Variants in TAFA2 observed in about 807,000 individuals in gnomAD.
TAFA2 encodes the protein chemokine-like protein TAFA-2.
Under a neutral mutation model 18.8 loss-of-function variants are expected in TAFA2, and 7 were observed. The ratio of observed to expected loss-of-function variants is 0.37; its 90% CI spans 0.21 to 0.70. TAFA2 has a LOEUF of 0.70. TAFA2 is among the 30% of genes least tolerant of loss of function. The probability of loss-of-function intolerance (pLI) is 0.53; values close to 1 mark genes in which losing one functional copy is unlikely to be tolerated. For missense variants in TAFA2, 122 were observed against 158.1 expected (o/e 0.77, Z 1.23); for synonymous variants, 60 against 54.2 (o/e 1.11, Z -0.47).
chr12:61,850,420 CTTG>C (rs1232671989), intron 2 of TAFA2, among the ~76,000 whole-genome samples: 5 of 151,642 alleles, frequency 3.3e-5, no homozygotes, highest in Non-Finnish European at 7.4e-5. Flanking sequence ...TTATGGAATG[CTTG>C]TTATCTGTAC....
chr12:61,803,754 T>C (rs1871492463), intron 2 of TAFA2, among the ~76,000 whole-genome samples: 1 of 151,932 alleles, frequency 6.6e-6, no homozygotes, highest in African/African-American at 2.4e-5. Flanking sequence ...GTTAAATGAA[T>C]TATTGAGAAC....
chr12:62,058,930 C>T lies in TAFA2; in HGVS notation c.-2+132329G>A, dbSNP rs183680225. ...TATCCTGGCTAACACGGTGAAACCCCGTCTCTACTAAAAATACAAAAAATT... is the reference window on the plus strand; with the variant it reads ...TATCCTGGCTAACACGGTGAAACCCTGTCTCTACTAAAAATACAAAAAATT... On this transcript the variant is annotated intron_variant, in intron 1 of 4. Transcript: ENST00000416284. Among the ~76,000 whole-genome samples the T allele has an allele frequency of 3.5e-3, 527 of 152,150 alleles. 4 individuals are homozygous for T. Among genetic ancestry groups the T allele is most frequent in the African/African-American group, 0.012 (507 of 41,506 alleles).
chr12:61,867,501 A>G, intron 1 of TAFA2, 75 bp from the exon 2 acceptor site: 1 of 874,356 alleles, frequency 1.1e-6, no homozygotes, highest in Non-Finnish European at 1.8e-6. Context: ...GCTACATGTA[A>G]AGCCTTCCAC....
chr12:62,222,008 T>C (rs2062764970), intron 1 of TAFA2, among the ~76,000 whole-genome samples: 1 of 152,072 alleles, frequency 6.6e-6, no homozygotes, highest in Non-Finnish European at 1.5e-5. Context: ...TTCTAAACCA[T>C]GTAAAGCAAA....
chr12:62,032,741 T>C (rs1308736104), intron 1 of TAFA2, among the ~76,000 whole-genome samples: 1 of 152,182 alleles, frequency 6.6e-6, no homozygotes, highest in African/African-American at 2.4e-5. Context: ...GCTACTCATA[T>C]TTATGGGCAT....
At chr12:61,799,531 G>GT (rs1196793799) in intron 2 of TAFA2, among the ~76,000 whole-genome samples, 1 of 152,042 alleles carries the variant, frequency 6.6e-6, no homozygotes, top group East Asian at 1.9e-4. Context: ...ACATTTAAAG[G>GT]TGACAAACTG....
At chr12:61,969,771 C>T (rs893644413) in intron 1 of TAFA2, among the ~76,000 whole-genome samples, 39 of 151,604 alleles carry the variant, frequency 2.6e-4, no homozygotes, top group African/African-American at 9.4e-4. Context: ...ACTCAATACA[C>T]GTTTGAACTT....
chr12:61,890,596 T>C (rs1392429706), intron 1 of TAFA2, among the ~76,000 whole-genome samples: 2 of 152,346 alleles, frequency 1.3e-5, no homozygotes, highest in Non-Finnish European at 2.9e-5. Context: ...GAGGTCTTAA[T>C]AGTAGAACAA....
chr12:62,199,046 A>G (rs116095803), intron 1 of TAFA2, among the ~76,000 whole-genome samples: 1 of 152,098 alleles, frequency 6.6e-6, no homozygotes, highest in African/African-American at 2.4e-5. Flanking sequence ...TGGATTGGCA[A>G]TTTGTTTTTG....
chr12:61,814,638 T>C (rs1166445938), intron 2 of TAFA2, among the ~76,000 whole-genome samples: 1 of 151,304 alleles, frequency 6.6e-6, no homozygotes, highest in Non-Finnish European at 1.5e-5. Flanking sequence ...CCTGTGAGTA[T>C]GTTACCTCAC....
chr12:61,729,886 G>C (rs2120645185), intron 4 of TAFA2, among the ~76,000 whole-genome samples: 1 of 152,170 alleles, frequency 6.6e-6, no homozygotes, highest in South Asian at 2.1e-4. Flanking sequence ...CTCAAGGGCT[G>C]TTGTTCAGAT....
chr12:62,035,737 T>C (rs1226977152), intron 1 of TAFA2, among the ~76,000 whole-genome samples: 3 of 123,814 alleles, frequency 2.4e-5, no homozygotes, highest in African/African-American at 1.0e-4. Flanking sequence ...TTCTTTCTTT[T>C]TTTTTTTTTT....
At chr12:62,129,113 G>T (rs983859992) in intron 1 of TAFA2, among the ~76,000 whole-genome samples, 1 of 151,850 alleles carries the variant, frequency 6.6e-6, no homozygotes, top group Non-Finnish European at 1.5e-5. Flanking sequence ...CCAGAAGCAG[G>T]TATTTTTCTT....
chr12:61,900,631 G>A (rs1876057101), intron 1 of TAFA2, among the ~76,000 whole-genome samples: 1 of 152,090 alleles, frequency 6.6e-6, no homozygotes, highest in African/African-American at 2.4e-5. Flanking sequence ...AGATCTCAGT[G>A]ACTATCATGA....
intron 1 of TAFA2, among the ~76,000 whole-genome samples, chr12:62,052,159 T>C (rs1256377738): frequency 6.6e-6 from 1 of 151,870 alleles, no homozygotes; most frequent in African/African-American, 2.4e-5. Context: ...TCATTTTACC[T>C]TCTCCTTCTT....
chr12:61,848,516 A>G (rs1300913710), intron 2 of TAFA2, among the ~76,000 whole-genome samples: 1 of 152,320 alleles, frequency 6.6e-6, no homozygotes, highest in South Asian at 2.1e-4. Context: ...ATTGCAGTTT[A>G]AAAGTTGTAC....
chr12:62,230,209 T>C (rs1299967608), intron 1 of TAFA2, among the ~76,000 whole-genome samples: 1 of 152,052 alleles, frequency 6.6e-6, no homozygotes, highest in Non-Finnish European at 1.5e-5. Context: ...TTGTATTTTA[T>C]TTCTTCTCTG....
intron 1 of TAFA2, among the ~76,000 whole-genome samples, chr12:62,010,158 C>T (rs560315401): frequency 2.0e-5 from 3 of 146,442 alleles, no homozygotes; most frequent in African/African-American, 7.7e-5. Flanking sequence ...TCCCTCTCCC[C>T]CTCCCCCTCC....
intron 1 of TAFA2, among the ~76,000 whole-genome samples, chr12:62,126,907 G>A (rs1370660896): frequency 1.3e-5 from 2 of 151,858 alleles, no homozygotes; most frequent in Non-Finnish European, 2.9e-5. Flanking sequence ...TTTCCCCCAA[G>A]ATCCACTAAA....
Sources: allele counts gnomAD v4.1 joint callset (sites outside exome capture counted in the v4.1 genomes callset), GRCh38; gene constraint gnomAD v4.1.1; transcripts MANE v1.5; gene names NCBI Gene and HGNC (gene_info 2026-07-23, HGNC 2026-07-21).